Variants in SCML2 observed in about 807,000 individuals in gnomAD.
SCML2 encodes the protein Scm polycomb group protein like 2.
In SCML2, 6 loss-of-function variants were observed where a neutral mutation model predicts 48.4. That is an observed-to-expected ratio of 0.12 (90% CI 0.07 to 0.24). The LOEUF is 0.24. SCML2 is among the 10% of genes least tolerant of loss of function. The pLI, the probability that SCML2 is intolerant of heterozygous loss-of-function variation, is 1.00. For missense variants in SCML2, 377 were observed against 528.2 expected (o/e 0.71, Z 2.81); for synonymous variants, 181 against 189.5 (o/e 0.95, Z 0.37).
rs762097334 is a variant in SCML2 at position 18,257,035 on chromosome X, T to TG, written c.1274-6dup. ...GAGTTTCCCCATCAAAGGAGGCTAT[T>TG]GGGGGAAAAAAAAGGATGTCAGTAA... On this transcript the variant is annotated splice_region_variant and splice_polypyrimidine_tract_variant and intron_variant, in intron 10 of 14. Transcript: ENST00000251900. 12 of 1,139,913 alleles carry TG rather than the reference T, an allele frequency of 1.1e-5. No homozygotes were observed. Among genetic ancestry groups the TG allele is most frequent in the Non-Finnish European group, 1.4e-5 (12 of 861,104 alleles). 93.9% of individuals were successfully genotyped at this position (1,139,913 alleles called of 1,213,427 possible). A position where few individuals can be genotyped will look rare whatever the true frequency, so the allele number is the denominator to read the frequency against.
chrX:18,272,673 C>T (rs757762128), intron 7 of SCML2, among the ~76,000 whole-genome samples: 1 of 112,099 alleles, frequency 8.9e-6, no homozygotes, highest in African/African-American at 3.2e-5. Context: ...ATTTAATCAA[C>T]AGCAGCAACA....
intron 7 of SCML2, among the ~76,000 whole-genome samples, chrX:18,278,303 G>A (rs971106217): frequency 8.9e-6 from 1 of 111,943 alleles, no homozygotes; most frequent in Non-Finnish European, 1.9e-5. Context: ...TGGGAACCCT[G>A]CACAGGGTAC....
At chrX:18,248,065 A>T (rs1187866134) in intron 11 of SCML2, among the ~76,000 whole-genome samples, 183 bp from the exon 12 acceptor site, 1 of 111,702 alleles carries the variant, frequency 9.0e-6, no homozygotes, top group Admixed American at 9.5e-5. Flanking sequence ...TTATATTTTC[A>T]CTGAAATAAT....
intron 11 of SCML2, among the ~76,000 whole-genome samples, chrX:18,256,121 T>C (rs966073299): frequency 4.5e-5 from 5 of 111,499 alleles, no homozygotes; most frequent in African/African-American, 1.3e-4. Context: ...GGGGTTCTTA[T>C]GGAAGAGAAG....
intron 8 of SCML2, among the ~76,000 whole-genome samples, chrX:18,261,879 T>C (rs1281970611): frequency 9.1e-6 from 1 of 110,198 alleles, no homozygotes; most frequent in Non-Finnish European, 1.9e-5. Flanking sequence ...ATTTAAAAAA[T>C]TTCATCTGCT....
chrX:18,347,723 CAAAAAAAAAAAAAAAA>C (rs749758995), intron 1 of SCML2, among the ~76,000 whole-genome samples: 3,504 of 22,017 alleles, frequency 0.16, 244 homozygotes, highest in African/African-American at 0.39. Flanking sequence ...GACTCCGTCT[CAAAAAAAAAAAAAAAA>C]AAAAAAAAAA....
chrX:18,260,795 C>A (rs1450533239), intron 8 of SCML2, among the ~76,000 whole-genome samples: 3 of 109,802 alleles, frequency 2.7e-5, no homozygotes, highest in African/African-American at 1.0e-4. Flanking sequence ...ATAATTCTGA[C>A]AAAATCACAA....
At chrX:18,259,754 GA>G (rs1483889986) in intron 9 of SCML2, among the ~76,000 whole-genome samples, 1 of 110,980 alleles carries the variant, frequency 9.0e-6, no homozygotes, top group Non-Finnish European at 1.9e-5. Flanking sequence ...AAATTAAAAG[GA>G]AAAAAAAGTC....
intron 1 of SCML2, among the ~76,000 whole-genome samples, chrX:18,339,933 T>C (rs1214683062): frequency 2.7e-5 from 3 of 111,913 alleles, no homozygotes; most frequent in South Asian, 3.7e-4. Flanking sequence ...CCATCTGGTG[T>C]ACACCCTTCA....
At chrX:18,327,443 C>A (rs1280306744) in intron 3 of SCML2, among the ~76,000 whole-genome samples, 1 of 111,623 alleles carries the variant, frequency 9.0e-6, no homozygotes, top group East Asian at 2.8e-4. Context: ...GAAGTTGACA[C>A]CCTGGAGGAA....
intron 5 of SCML2, among the ~76,000 whole-genome samples, chrX:18,323,309 A>C (rs1156843026): frequency 8.9e-6 from 1 of 112,273 alleles, no homozygotes. Context: ...TGTACCTTAA[A>C]ATCTTTGCTA....
chrX:18,320,327 C>T lies in SCML2; in HGVS notation c.486+5G>A. The T allele has an allele frequency of 9.1e-7, 1 of 1,094,460 alleles. No individual in the cohort carries two copies. The highest frequency in any genetic ancestry group is 2.3e-5 in the South Asian group (1 of 43,430). The allele number at this position is 1,094,460 out of a possible 1,213,427, so 90.2% of individuals were successfully genotyped here. A position where few individuals can be genotyped will look rare whatever the true frequency, so the allele number is the denominator to read the frequency against. On this transcript the variant is annotated splice_donor_5th_base_variant and intron_variant, in intron 6 of 14. Transcript: ENST00000251900. ...CATGGCAGCTTTTTATAACATCTTT[C>T]TTACCTTCTTAAATAATGTGGCAGA... is the stretch of plus-strand genomic sequence containing the variant.
At chrX:18,333,047 G>A (rs766623875) in intron 2 of SCML2, among the ~76,000 whole-genome samples, 44 of 110,411 alleles carry the variant, frequency 4.0e-4, no homozygotes, top group Non-Finnish European at 5.9e-4. Flanking sequence ...AGGCCGAGGC[G>A]GGAAGATCAC....
At chrX:18,350,195 C>T (rs913678250) in intron 1 of SCML2, among the ~76,000 whole-genome samples, 2 of 110,556 alleles carry the variant, frequency 1.8e-5, no homozygotes. Flanking sequence ...ACAAGAATTG[C>T]TTGAACCCAG....
Position 18,258,156 on chromosome X carries a change from C to T in SCML2, c.1161G>A (p.Pro387=), listed in dbSNP as rs759748685. 4.1e-6 allele frequency: 5 copies of T among 1,211,298 alleles called. No individual in the cohort carries two copies. The highest frequency in any genetic ancestry group is 4.3e-5 in the Admixed American group (2 of 46,039). The change falls in exon 10 of 15, where the codon CCG becomes CCA. Residue 387 remains proline, a synonymous_variant. Coordinates refer to ENST00000251900, the MANE Select transcript of SCML2 (RefSeq NM_006089.3). The part of the protein sequence containing the change: ...QQLPDHFGPG[P]VNVVLRRIVQ... Reference sequence around the variant, plus strand: ...CAATCCGGCGAAGCACCACATTCACCGGGCCCGGGCCGAAGTGGTCAGGCA... The same window carrying T: ...CAATCCGGCGAAGCACCACATTCACTGGGCCCGGGCCGAAGTGGTCAGGCA...
chrX:18,342,350 TAA>T (rs1282550143), intron 1 of SCML2, among the ~76,000 whole-genome samples: 3 of 97,884 alleles, frequency 3.1e-5, no homozygotes, highest in Non-Finnish European at 2.1e-5. Context: ...AAGTAAGCCT[TAA>T]AAAAAAAAAA....
At chrX:18,286,983 C>A (rs780255100) in intron 7 of SCML2, among the ~76,000 whole-genome samples, 1 of 110,539 alleles carries the variant, frequency 9.0e-6, no homozygotes, top group East Asian at 2.9e-4. Flanking sequence ...TTCTCTTCAT[C>A]TATCAAGCAG....
chrX:18,352,698 T>C (rs1930412634), intron 1 of SCML2, among the ~76,000 whole-genome samples: 2 of 112,076 alleles, frequency 1.8e-5, no homozygotes, highest in African/African-American at 6.5e-5. Context: ...TAAAGATGTG[T>C]TGATGGAATC....
intron 6 of SCML2, among the ~76,000 whole-genome samples, chrX:18,313,509 G>C (rs767547216): frequency 9.0e-6 from 1 of 111,498 alleles, no homozygotes; most frequent in East Asian, 2.8e-4. Flanking sequence ...CCCAGTCTTA[G>C]GCATGTCTTT....
Sources: allele counts gnomAD v4.1 joint callset (sites outside exome capture counted in the v4.1 genomes callset), GRCh38; gene constraint gnomAD v4.1.1; transcripts MANE v1.5; gene names NCBI Gene and HGNC (gene_info 2026-07-23, HGNC 2026-07-21).